Variants in ZNF385A observed in about 807,000 individuals in gnomAD.
The protein encoded by ZNF385A is hematopoietic zinc finger protein.
ZNF385A carries 14 observed loss-of-function variants against 32.1 expected under a neutral mutation model. That is an observed-to-expected ratio of 0.44 (90% CI 0.29 to 0.68). The LOEUF (loss-of-function observed/expected upper bound fraction) is 0.68. ZNF385A is among the 30% of genes least tolerant of loss of function. ZNF385A has a pLI of 0.14. For missense variants in ZNF385A, 406 were observed against 478.4 expected (o/e 0.85, Z 1.41); for synonymous variants, 197 against 202.7 (o/e 0.97, Z 0.24).
Position 54,384,670 on chromosome 12 carries a change from T to C in ZNF385A, c.-156A>G, listed in dbSNP as rs1237049095. The C allele has an allele frequency of 1.4e-6, 2 of 1,412,616 alleles. No homozygotes were observed. Among genetic ancestry groups the C allele is most frequent in the Non-Finnish European group, 1.8e-6 (2 of 1,088,744 alleles). The allele number at this position is 1,412,616 out of a possible 1,614,324, so 87.5% of individuals were successfully genotyped here. On this transcript the variant is annotated 5_prime_UTR_variant, in exon 1 of 7. Coordinates refer to ENST00000394313, the MANE Select transcript of ZNF385A (RefSeq NM_015481.3). ...TAGCCAGGGCCCCCACACTCAGAAG[T>C]GTCACCCTCAGTGCACATAGTGTAC...
chr12:54,380,869 C>T (rs766479790), intron 1 of ZNF385A, among the ~76,000 whole-genome samples: 7 of 152,032 alleles, frequency 4.6e-5, no homozygotes, highest in Non-Finnish European at 1.0e-4. Context: ...CCATTCTCAG[C>T]CTGGGCAACA....
At chr12:54,374,195 C>T in intron 2 of ZNF385A, 60 bp from the exon 3 acceptor site, 1 of 1,358,380 alleles carries the variant, frequency 7.4e-7, no homozygotes, top group South Asian at 1.6e-5. Context: ...CCGATCTCCC[C>T]ACAGAGCTCC....
intron 1 of ZNF385A, among the ~76,000 whole-genome samples, chr12:54,378,337 C>T (rs1302771513): frequency 1.3e-5 from 2 of 152,202 alleles, no homozygotes; most frequent in Non-Finnish European, 2.9e-5. Flanking sequence ...GAGCCCATCT[C>T]ACTCCAGAGC....
At chr12:54,382,634 T>A (rs1206445312) in intron 1 of ZNF385A, among the ~76,000 whole-genome samples, 5 of 152,304 alleles carry the variant, frequency 3.3e-5, no homozygotes, top group African/African-American at 9.6e-5. Flanking sequence ...GATAGAAACA[T>A]CTGCTACAGT....
intron 1 of ZNF385A, among the ~76,000 whole-genome samples, chr12:54,390,030 A>G (rs1210430346): frequency 6.6e-6 from 1 of 152,130 alleles, no homozygotes; most frequent in Non-Finnish European, 1.5e-5. Context: ...ATAGGCGGTG[A>G]AATGAAAGAA....
At chr12:54,376,080 A>C (rs2700153) in intron 1 of ZNF385A, 126 bp from the exon 2 acceptor site, 540,705 of 691,130 alleles carry the variant, frequency 0.78, 213,411 homozygotes, top group Middle Eastern at 0.89. Flanking sequence ...TGCCTGAGGG[A>C]TCTGAGCCTC....
At position 54,370,869 on chromosome 12, in the gene ZNF385A, C is replaced by T; in HGVS notation, c.774+58G>A. 1.9e-6 allele frequency: 3 copies of T among 1,612,512 alleles called. No homozygotes were observed. The highest frequency in any genetic ancestry group is 2.5e-6 in the Non-Finnish European group (3 of 1,178,936). On this transcript the variant is annotated intron_variant, in intron 5 of 6. Transcript: ENST00000394313. This position sits in a 1 kb window ranked among gnomAD's most constrained non-coding sequence, Gnocchi z 5.5. ...GGCCTTTACTCAAGCTCCTTGCTCC[C>T]CTTCCCCACTTAGCGGGTGGAGCGT...
Position 54,370,338 on chromosome 12 carries a change from G to C in ZNF385A, c.1019C>G (p.Pro340Arg). ...PAPAAPLLQGPPITHPLLHPA... is the reference protein window; with the variant it reads ...PAPAAPLLQGRPITHPLLHPA... ...GTGAAGCAGAGGGTGAGTGATCGGC[G>C]GTCCCTGGAGAAGAGGTGCGGCTGG... Residue 340 changes from proline (P) to arginine (R), a missense_variant, in exon 7 of 7, where the codon CCG becomes CGG. Physicochemically the swap from Pro to Arg is moderately radical, Grantham distance 103 (BLOSUM62 -2). Transcript: ENST00000394313. The surrounding 1 kb of genome is among the most constrained non-coding windows in gnomAD (Gnocchi z 5.5). 6 of 1,498,966 alleles carry C rather than the reference G, an allele frequency of 4.0e-6. No individual in the cohort carries two copies. Among genetic ancestry groups the C allele is most frequent in the Non-Finnish European group, 4.5e-6 (5 of 1,123,264 alleles). The allele number at this position is 1,498,966 out of a possible 1,614,324, so 92.9% of individuals were successfully genotyped here.
At position 54,384,530 on chromosome 12, in the gene ZNF385A, T is replaced by C; in HGVS notation, c.-16A>G. On this transcript the variant is annotated 5_prime_UTR_variant, in exon 1 of 7. Transcript: ENST00000394313. ...GGGGCTGCATGATCGGGGGCTGCCG[T>C]AGCAGAGGCAGGGGCCCTGCCCGGC... 6.6e-7 allele frequency: 1 copy of C among 1,512,308 alleles called. No homozygotes were observed. 93.7% of individuals were successfully genotyped at this position (1,512,308 alleles called of 1,614,324 possible).
In ZNF385A at chr12:54,371,721, G is replaced by A; in HGVS notation, c.362-6C>T. The A allele has an allele frequency of 1.2e-6, 2 of 1,611,494 alleles. No homozygotes were observed. The highest frequency in any genetic ancestry group is 1.7e-6 in the Non-Finnish European group (2 of 1,179,240). On this transcript the variant is annotated splice_region_variant and splice_polypyrimidine_tract_variant and intron_variant, in intron 3 of 6. Coordinates refer to ENST00000394313, the MANE Select transcript of ZNF385A (RefSeq NM_015481.3). Reference sequence around the variant, plus strand: ...CAGTCCATTCTCCATGGAAACTGTTGTTGGGGGAGAAACATGGGGATCACC... The same window carrying A: ...CAGTCCATTCTCCATGGAAACTGTTATTGGGGGAGAAACATGGGGATCACC...
chr12:54,382,566 TA>T (rs1043311786), intron 1 of ZNF385A, among the ~76,000 whole-genome samples: 2 of 152,212 alleles, frequency 1.3e-5, no homozygotes, highest in African/African-American at 4.8e-5. Flanking sequence ...TCTTATTTGT[TA>T]AATGGAATAA....
chr12:54,371,326 C>T (rs901932775), intron 4 of ZNF385A, 147 bp downstream of exon 4: 13 of 1,183,416 alleles, frequency 1.1e-5, no homozygotes, highest in African/African-American at 3.1e-5. Context: ...GGCTAAGGAA[C>T]AGGGGAGATG....
Position 54,370,497 on chromosome 12 carries a change from C to A in ZNF385A, c.871-11G>T, listed in dbSNP as rs116250799. On this transcript the variant is annotated splice_polypyrimidine_tract_variant and intron_variant, in intron 6 of 6. Transcript: ENST00000394313. The surrounding 1 kb of genome is among the most constrained non-coding windows in gnomAD (Gnocchi z 5.5). ...GAAAGTCAGCGTGCCCTGAAGCGGG[C>A]GAAAGGCGGAGGAAGAGAAGTCACC... 1.3e-6 allele frequency: 2 copies of A among 1,551,092 alleles called. No individual in the cohort carries two copies. The highest frequency in any genetic ancestry group is 1.4e-5 in the African/African-American group (1 of 73,152).
Position 54,370,922 on chromosome 12 carries a change from C to T in ZNF385A, c.774+5G>A, listed in dbSNP as rs370945172. 2.5e-6 allele frequency: 4 copies of T among 1,614,224 alleles called. No homozygotes were observed. Among genetic ancestry groups the T allele is most frequent in the Non-Finnish European group, 3.4e-6 (4 of 1,180,026 alleles). On this transcript the variant is annotated splice_donor_5th_base_variant and intron_variant, in intron 5 of 6. Coordinates refer to ENST00000394313, the MANE Select transcript of ZNF385A (RefSeq NM_015481.3). This position sits in a 1 kb window ranked among gnomAD's most constrained non-coding sequence, Gnocchi z 5.5. ...CAGAATTCCTGGGAAGGGCCTTAGA[C>T]CCACCTGTTTCAGTTGGACCTCCGA... is the stretch of plus-strand genomic sequence containing the variant.
chr12:54,387,077 G>C (rs114135723), upstream of ZNF385A, among the ~76,000 whole-genome samples: 1,043 of 152,308 alleles, frequency 6.8e-3, 12 homozygotes, highest in African/African-American at 0.024. Context: ...CAAAGGGCTT[G>C]AATTTAACTG....
chr12:54,372,690 G>A (rs1419647497), intron 3 of ZNF385A, among the ~76,000 whole-genome samples: 2 of 152,184 alleles, frequency 1.3e-5, no homozygotes, highest in Admixed American at 1.3e-4. Context: ...ATCTTACAGA[G>A]ATGTTAACAA....
chr12:54,370,141 G>C lies in ZNF385A; in HGVS notation c.*115C>G, dbSNP rs1224465424. 9 of 789,724 alleles carry C rather than the reference G, an allele frequency of 1.1e-5. No individual in the cohort carries two copies. Among genetic ancestry groups the C allele is most frequent in the South Asian group, 7.4e-5 (2 of 26,886 alleles). The allele number at this position is 789,724 out of a possible 1,614,324, so 48.9% of individuals were successfully genotyped here. Reference sequence around the variant, plus strand: ...CTGGAACCCCGTATCTCGGGGTGGGGGGGGGGAAGGAGAGATCATTTAGGG... The same window carrying C: ...CTGGAACCCCGTATCTCGGGGTGGGCGGGGGGAAGGAGAGATCATTTAGGG... On this transcript the variant is annotated 3_prime_UTR_variant, in exon 7 of 7. Coordinates refer to ENST00000394313, the MANE Select transcript of ZNF385A (RefSeq NM_015481.3). This position sits in a 1 kb window ranked among gnomAD's most constrained non-coding sequence, Gnocchi z 5.5.
At chr12:54,373,167 G>A (rs1045767162) in intron 3 of ZNF385A, 2 of 155,690 alleles carry the variant, frequency 1.3e-5, no homozygotes, top group Non-Finnish European at 2.8e-5. Flanking sequence ...GTGTGTGTGT[G>A]TATTGAGAAT....
chr12:54,377,603 G>A (rs1164851390), intron 1 of ZNF385A, among the ~76,000 whole-genome samples: 1 of 152,202 alleles, frequency 6.6e-6, no homozygotes, highest in East Asian at 1.9e-4. Context: ...GTGTTTATCT[G>A]TGTAAATGTA....
Sources: allele counts gnomAD v4.1 joint callset (sites outside exome capture counted in the v4.1 genomes callset), GRCh38; gene constraint gnomAD v4.1.1; non-coding constraint Gnocchi (gnomAD v3.1); transcripts MANE v1.5; gene names NCBI Gene and HGNC (gene_info 2026-07-23, HGNC 2026-07-21).